C18orf63: variants seen among roughly 807,000 people sequenced by gnomAD.
C18orf63 encodes the protein uncharacterized protein C18orf63.
A neutral mutation model predicts 75.3 loss-of-function variants in C18orf63; 50 were observed. The ratio of observed to expected loss-of-function variants is 0.66; its 90% CI spans 0.53 to 0.84. The LOEUF is 0.84. Ranked by LOEUF, C18orf63 falls within the 40% of genes least tolerant of loss-of-function variation. The probability of loss-of-function intolerance (pLI) is 0.00; values close to 1 mark genes in which losing one functional copy is unlikely to be tolerated. For missense variants in C18orf63, 732 were observed against 800.2 expected (o/e 0.91, Z 1.03); for synonymous variants, 232 against 267.6 (o/e 0.87, Z 1.30).
At chr18:74,327,158 G>A (rs1321646194) in intron 4 of C18orf63, among the ~76,000 whole-genome samples, 5 of 152,096 alleles carry the variant, frequency 3.3e-5, no homozygotes. Flanking sequence ...TTGTGAGTCT[G>A]AAGAAACTCC....
chr18:74,352,219 A>G (rs953600262), intron 11 of C18orf63, among the ~76,000 whole-genome samples: 1 of 152,172 alleles, frequency 6.6e-6, no homozygotes, highest in Admixed American at 6.5e-5. Context: ...AGAAAGTAAA[A>G]TAGAGGTTAC....
chr18:74,336,477 TG>T (rs1330438413), intron 7 of C18orf63, among the ~76,000 whole-genome samples: 1 of 152,102 alleles, frequency 6.6e-6, no homozygotes, highest in African/African-American at 2.4e-5. Context: ...TCTCCTCTCT[TG>T]ATTTATCTGA....
rs1314282583 is a variant in C18orf63, at chr18:74,358,787, G to C, written c.*2340G>C. On this transcript the variant is annotated 3_prime_UTR_variant, in exon 14 of 14. Transcript: ENST00000579455. ...ATAAATGCCAAGAATCATATTTCTA[G>C]GAATGCAAAAGTGCTTCTCATATAC... The C allele has an allele frequency of 6.6e-6, 1 of 152,032 alleles. No individual in the cohort carries two copies. The highest frequency in any genetic ancestry group is 1.5e-5 in the Non-Finnish European group (1 of 67,988). 9.4% of individuals were successfully genotyped at this position (152,032 alleles called of 1,614,324 possible).
intron 4 of C18orf63, among the ~76,000 whole-genome samples, chr18:74,327,160 A>C (rs2145118110): frequency 6.6e-6 from 1 of 152,260 alleles, no homozygotes; most frequent in South Asian, 2.1e-4. Flanking sequence ...GTGAGTCTGA[A>C]GAAACTCCCC....
At chr18:74,349,561 G>A (rs917080001) in intron 11 of C18orf63, among the ~76,000 whole-genome samples, 2 of 152,158 alleles carry the variant, frequency 1.3e-5, no homozygotes, top group Non-Finnish European at 2.9e-5. Flanking sequence ...TCTTGTAGGA[G>A]CACGAACCCT....
intron 6 of C18orf63, among the ~76,000 whole-genome samples, 179 bp from the exon 7 acceptor site, chr18:74,330,687 A>C (rs1444719563): frequency 6.6e-6 from 1 of 151,978 alleles, no homozygotes; most frequent in African/African-American, 2.4e-5. Context: ...CCTCTTTTAG[A>C]TGTCTCATCT....
Position 74,354,018 on chromosome 18 carries a change from G to A in C18orf63, c.1751G>A (p.Ser584Asn), listed in dbSNP as rs746488749. ...GGTATAACACAAATTTTAGGGAAAA[G>A]CCATGGGTCACTAAAACTGAAAAGA... ...GKGITQILGK[S>N]HGSLKLKRQP... The change falls in exon 12 of 14, where the codon AGC becomes AAC. Residue 584 changes from serine to asparagine, a missense_variant. Physicochemically the swap from Ser to Asn is conservative, Grantham distance 46 (BLOSUM62 1). Coordinates refer to ENST00000579455, the MANE Select transcript of C18orf63 (RefSeq NM_001174123.2). 3.9e-6 allele frequency: 6 copies of A among 1,536,398 alleles called. No individual in the cohort carries two copies. The South Asian group carries it at 7.1e-5, about 18-fold the overall frequency.
intron 7 of C18orf63, among the ~76,000 whole-genome samples, chr18:74,335,398 T>A (rs2145122814): frequency 6.6e-6 from 1 of 152,216 alleles, no homozygotes; most frequent in South Asian, 2.1e-4. Flanking sequence ...TCTTTACAAT[T>A]TAAATAGAGA....
intron 4 of C18orf63, among the ~76,000 whole-genome samples, chr18:74,327,064 G>A (rs1335586247): frequency 2.6e-5 from 4 of 152,096 alleles, no homozygotes; most frequent in Non-Finnish European, 5.9e-5. Context: ...CAAGAGTTTT[G>A]CCTAGGCTTT....
At chr18:74,354,650 T>A in intron 13 of C18orf63, 104 bp downstream of exon 13, 1 of 598,204 alleles carries the variant, frequency 1.7e-6, no homozygotes, top group Non-Finnish European at 2.9e-6. Context: ...ACTTTTAAAT[T>A]CTTTGAAACC....
chr18:74,342,727 A>G (rs1407657583), intron 10 of C18orf63, among the ~76,000 whole-genome samples: 1 of 152,176 alleles, frequency 6.6e-6, no homozygotes, highest in Non-Finnish European at 1.5e-5. Flanking sequence ...GAGATTATCT[A>G]ATTTTATAGG....
Position 74,353,290 on chromosome 18 carries a change from T to C in C18orf63, c.1023T>C (p.Leu341=), listed in dbSNP as rs1415938366. Residue 341 remains leucine (L), a synonymous_variant, in exon 12 of 14, where the codon CTT becomes CTC. Transcript: ENST00000579455. ...KPPNLTTKKM[L]RASLTQATSR... ...CCAATTTGACCACTAAAAAAATGCT[T>C]AGGGCATCTCTGACTCAAGCCACTT... 6.5e-7 allele frequency: 1 copy of C among 1,536,502 alleles called. No homozygotes were observed. The highest frequency in any genetic ancestry group is 2.4e-5 in the East Asian group (1 of 40,912).
intron 8 of C18orf63, among the ~76,000 whole-genome samples, chr18:74,341,057 G>A (rs1369760153): frequency 1.3e-5 from 2 of 150,740 alleles, no homozygotes; most frequent in Non-Finnish European, 3.0e-5. Context: ...GAGGTCCGGA[G>A]ATCGAGACCA....
At chr18:74,349,825 G>A (rs776554262) in intron 11 of C18orf63, among the ~76,000 whole-genome samples, 3 of 152,110 alleles carry the variant, frequency 2.0e-5, no homozygotes, top group Non-Finnish European at 2.9e-5. Context: ...AAAATCAAAG[G>A]CATTCATAGT....
chr18:74,343,829 C>A, intron 11 of C18orf63, 127 bp downstream of exon 11: 4 of 457,948 alleles, frequency 8.7e-6, no homozygotes, highest in Middle Eastern at 5.6e-4. Flanking sequence ...CAGTTCAATG[C>A]TTCCCTAAAA....
chr18:74,348,555 CCTT>C (rs1984611680), intron 11 of C18orf63, among the ~76,000 whole-genome samples: 2 of 152,072 alleles, frequency 1.3e-5, no homozygotes, highest in South Asian at 2.1e-4. Context: ...AAGCTTTTGG[CCTT>C]CTTCTATAAT....
chr18:74,323,662 T>G (rs1599000803), intron 4 of C18orf63, among the ~76,000 whole-genome samples: 1 of 152,222 alleles, frequency 6.6e-6, no homozygotes, highest in East Asian at 1.9e-4. Context: ...TCTACCATAT[T>G]CTATTATTTA....
At position 74,353,869 on chromosome 18, in the gene C18orf63, G is replaced by A. The variant is rs983568696; in HGVS notation, c.1602G>A (p.Val534=). 9 of 1,535,986 alleles carry A rather than the reference G, an allele frequency of 5.9e-6. No individual in the cohort carries two copies. Among genetic ancestry groups the A allele is most frequent in the Non-Finnish European group, 7.8e-6 (9 of 1,146,880 alleles). Residue 534 remains valine (V), a synonymous_variant, in exon 12 of 14, where the codon GTG becomes GTA. Coordinates refer to ENST00000579455, the MANE Select transcript of C18orf63 (RefSeq NM_001174123.2). ...KFPSSRGKST[V]SLNKNKQLSN... is the part of the protein sequence containing the mutation. ...CCTCTTCTCGTGGAAAATCGACTGTGAGTTTAAACAAAAATAAGCAACTAT... is the reference window on the plus strand; with the variant it reads ...CCTCTTCTCGTGGAAAATCGACTGTAAGTTTAAACAAAAATAAGCAACTAT...
intron 13 of C18orf63, 23 bp from the exon 14 acceptor site, chr18:74,356,458 C>T (rs1038901439): frequency 6.6e-6 from 1 of 152,568 alleles, no homozygotes; most frequent in Non-Finnish European, 1.5e-5. Context: ...AAGTAAAAAA[C>T]CATCTGTAAT....
Sources: allele counts gnomAD v4.1 joint callset (sites outside exome capture counted in the v4.1 genomes callset), GRCh38; gene constraint gnomAD v4.1.1; transcripts MANE v1.5; gene names NCBI Gene and HGNC (gene_info 2026-07-23, HGNC 2026-07-21).